ANO4: variants seen among roughly 807,000 people sequenced by gnomAD.
ANO4 encodes anoctamin 4.
A neutral mutation model predicts 141.9 loss-of-function variants in ANO4; 69 were observed. The observed-to-expected ratio is 0.49, with a 90% CI of 0.40 to 0.59. The LOEUF is 0.59. ANO4 is among the 20% of genes least tolerant of loss of function. The probability of loss-of-function intolerance (pLI) is 0.00; values close to 1 mark genes in which losing one functional copy is unlikely to be tolerated. For missense variants in ANO4, 894 were observed against 1,162.2 expected (o/e 0.77, Z 3.36); for synonymous variants, 350 against 394.3 (o/e 0.89, Z 1.33).
At chr12:100,721,770 C>T (rs1437020253) in intron 1 of ANO4, among the ~76,000 whole-genome samples, 1 of 152,140 alleles carries the variant, frequency 6.6e-6, no homozygotes, top group Non-Finnish European at 1.5e-5. Flanking sequence ...CCTCTACCTC[C>T]CTGGCTCAAG....
chr12:100,967,175 C>G (rs955213430), intron 5 of ANO4, among the ~76,000 whole-genome samples: 1 of 152,018 alleles, frequency 6.6e-6, no homozygotes, highest in Non-Finnish European at 1.5e-5. Flanking sequence ...AATATTTTCC[C>G]AAACTTCTCT....
intron 14 of ANO4, among the ~76,000 whole-genome samples, chr12:101,053,982 C>T (rs541876978): frequency 8.6e-4 from 131 of 152,286 alleles, no homozygotes; most frequent in Non-Finnish European, 1.5e-3. Flanking sequence ...AAGTGGAGGC[C>T]AACTGGTGGC....
chr12:100,880,774 A>G (rs1323927979), intron 1 of ANO4, among the ~76,000 whole-genome samples: 4 of 152,176 alleles, frequency 2.6e-5, no homozygotes, highest in Non-Finnish European at 5.9e-5. Context: ...AAAGATGTCT[A>G]TATGGCGAAT....
intron 8 of ANO4, among the ~76,000 whole-genome samples, chr12:100,999,783 A>G (rs2045554554): frequency 6.6e-6 from 1 of 151,882 alleles, no homozygotes; most frequent in Non-Finnish European, 1.5e-5. Context: ...GATGGCTCAC[A>G]CCTGTAACCC....
intron 6 of ANO4, among the ~76,000 whole-genome samples, chr12:100,971,754 G>A (rs1354771628): frequency 6.6e-6 from 1 of 151,724 alleles, no homozygotes; most frequent in Non-Finnish European, 1.5e-5. Flanking sequence ...ACAGGGGCAT[G>A]TTTTCATGTT....
chr12:101,053,647 T>G (rs1394901633), intron 14 of ANO4, among the ~76,000 whole-genome samples: 1 of 152,208 alleles, frequency 6.6e-6, no homozygotes, highest in East Asian at 1.9e-4. Context: ...ATGGCTATCT[T>G]CTTCTCAAGA....
chr12:101,020,984 CA>C (rs1357003313), intron 9 of ANO4, among the ~76,000 whole-genome samples: 1 of 152,096 alleles, frequency 6.6e-6, no homozygotes, highest in African/African-American at 2.4e-5. Flanking sequence ...TTAACTGTGA[CA>C]GGGGATTGGA....
chr12:101,009,265 A>G (rs772029970), intron 8 of ANO4, among the ~76,000 whole-genome samples: 28 of 152,292 alleles, frequency 1.8e-4, no homozygotes, highest in Non-Finnish European at 3.2e-4. Flanking sequence ...TCATGTGAAG[A>G]CATATAGAGA....
intron 1 of ANO4, among the ~76,000 whole-genome samples, chr12:100,817,024 T>TA (rs2035774150): frequency 1.3e-5 from 2 of 151,862 alleles, no homozygotes; most frequent in Admixed American, 1.3e-4. Context: ...GGGAATGACT[T>TA]AGGAACAGTT....
intron 3 of ANO4, among the ~76,000 whole-genome samples, chr12:100,786,734 A>G (rs1433081434): frequency 6.6e-6 from 1 of 152,216 alleles, no homozygotes; most frequent in Non-Finnish European, 1.5e-5. Context: ...ATTTCAGAGG[A>G]TGAATCTTTG....
chr12:100,949,381 C>T (rs988071833), intron 5 of ANO4, among the ~76,000 whole-genome samples: 4 of 152,214 alleles, frequency 2.6e-5, no homozygotes, highest in Non-Finnish European at 5.9e-5. Context: ...TCTACCATTA[C>T]AAGCTGTGTG....
intron 14 of ANO4, among the ~76,000 whole-genome samples, chr12:101,058,393 G>C (rs1249253614): frequency 1.3e-5 from 2 of 152,310 alleles, no homozygotes; most frequent in Non-Finnish European, 2.9e-5. Context: ...TTCTAATTCT[G>C]TGAAGAAAGT....
At chr12:100,825,532 A>G (rs2036284024) in intron 1 of ANO4, among the ~76,000 whole-genome samples, 1 of 152,070 alleles carries the variant, frequency 6.6e-6, no homozygotes, top group Non-Finnish European at 1.5e-5. Context: ...ACAAATGTCT[A>G]AGGAGCAGAA....
At chr12:100,740,215 G>A in intron 3 of ANO4, 1 of 651,152 alleles carries the variant, frequency 1.5e-6, no homozygotes, top group Non-Finnish European at 2.8e-6. Context: ...GTGATATGAT[G>A]GACCCCAACA....
chr12:100,996,819 G>A (rs551305116), intron 8 of ANO4, among the ~76,000 whole-genome samples: 7 of 152,202 alleles, frequency 4.6e-5, no homozygotes, highest in Non-Finnish European at 1.0e-4. Flanking sequence ...AGAAAAGGCA[G>A]CAAGTTAAAG....
At chr12:101,110,942 A>C (rs1419048959) in intron 23 of ANO4, among the ~76,000 whole-genome samples, 1 of 152,210 alleles carries the variant, frequency 6.6e-6, no homozygotes, top group African/African-American at 2.4e-5. Context: ...CAGTTTTTCT[A>C]ACGGCAGAGA....
At chr12:100,975,080 G>T (rs377503312) in intron 7 of ANO4, among the ~76,000 whole-genome samples, 191 bp downstream of exon 7, 7 of 152,142 alleles carry the variant, frequency 4.6e-5, no homozygotes, top group Non-Finnish European at 1.0e-4. Context: ...CCCTCTCCGC[G>T]TCTTCCCAGT....
At chr12:100,891,853 G>A (rs2040124000) in intron 1 of ANO4, among the ~76,000 whole-genome samples, 1 of 152,006 alleles carries the variant, frequency 6.6e-6, no homozygotes, top group East Asian at 1.9e-4. Flanking sequence ...TAGATCCCCA[G>A]AACTTATTTC....
chr12:100,925,725 T>C (rs2136117156), intron 3 of ANO4, among the ~76,000 whole-genome samples: 1 of 150,588 alleles, frequency 6.6e-6, no homozygotes, highest in Admixed American at 6.6e-5. Context: ...GATGGAAAAT[T>C]TTCACTTTTT....
Sources: allele counts gnomAD v4.1 joint callset (sites outside exome capture counted in the v4.1 genomes callset), GRCh38; gene constraint gnomAD v4.1.1; transcripts MANE v1.5; gene names NCBI Gene and HGNC (gene_info 2026-07-23, HGNC 2026-07-21).